The following EFCAB5 variants were observed in gnomAD, a reference collection of about 807,000 sequenced individuals.
EFCAB5 encodes the protein EF-hand calcium-binding domain-containing protein 5.
Under a neutral mutation model 167.9 loss-of-function variants are expected in EFCAB5, and 131 were observed. The observed-to-expected ratio is 0.78, with a 90% confidence interval of 0.68 to 0.90. The LOEUF (loss-of-function observed/expected upper bound fraction) is 0.90, where lower values mean the gene tolerates loss of function less well. Ranked by LOEUF, EFCAB5 falls within the 40% of genes least tolerant of loss-of-function variation. EFCAB5 has a pLI of 0.00. For synonymous variants in EFCAB5, 574 were observed against 602.8 expected, an observed-to-expected ratio of 0.95 and a Z score of 0.70; for missense variants, 1,663 against 1,745.2, an observed-to-expected ratio of 0.95 and a Z score of 0.84.
At chr17:30,049,787 C>A (rs1028784641) in intron 8 of EFCAB5, among the ~76,000 whole-genome samples, 7 of 152,098 alleles carry the variant, frequency 4.6e-5, no homozygotes, top group African/African-American at 1.7e-4. Flanking sequence ...TTGGTATGAA[C>A]ATTTTGTGAA....
intron 5 of EFCAB5, among the ~76,000 whole-genome samples, chr17:29,994,167 T>TATATATATACAC (rs1555554322): frequency 1.5e-5 from 2 of 132,230 alleles, no homozygotes; most frequent in Non-Finnish European, 3.3e-5. Context: ...TATATATATA[T>TATATATATACAC]ATATATATAT....
chr17:30,088,005 C>T (rs1292764094), intron 19 of EFCAB5, among the ~76,000 whole-genome samples: 6 of 152,156 alleles, frequency 3.9e-5, no homozygotes, highest in Non-Finnish European at 5.9e-5. Context: ...GATGATGTCT[C>T]ATTGGGGTTT....
chr17:29,946,580 G>T, intron 3 of EFCAB5, among the ~76,000 whole-genome samples: 1 of 151,676 alleles, frequency 6.6e-6, no homozygotes, highest in East Asian at 2.0e-4. Flanking sequence ...GGGACTTCAG[G>T]CACCTGCCAC....
intron 14 of EFCAB5, among the ~76,000 whole-genome samples, chr17:30,066,057 C>T (rs2070560887): frequency 6.6e-6 from 1 of 152,110 alleles, no homozygotes; most frequent in Non-Finnish European, 1.5e-5. Context: ...GACAGAAAAT[C>T]AATAAAGAAA....
intron 20 of EFCAB5, 98 bp from the exon 21 acceptor site, chr17:30,091,773 A>G: frequency 7.4e-7 from 1 of 1,343,726 alleles, no homozygotes; most frequent in Non-Finnish European, 1.0e-6. Flanking sequence ...CTTGACAAAA[A>G]CATTTACTAT....
At chr17:30,039,052 G>A (rs777852567) in intron 8 of EFCAB5, among the ~76,000 whole-genome samples, 25 of 152,188 alleles carry the variant, frequency 1.6e-4, no homozygotes, top group South Asian at 2.1e-4. Flanking sequence ...CTGCGGTGCC[G>A]AGTCTGTGCA....
intron 8 of EFCAB5, among the ~76,000 whole-genome samples, chr17:30,038,962 C>T (rs913020396): frequency 2.0e-5 from 3 of 152,148 alleles, no homozygotes; most frequent in Admixed American, 1.3e-4. Flanking sequence ...CGAGACCCAC[C>T]TGGTGTGACG....
chr17:30,054,126 A>G lies in EFCAB5; in HGVS notation c.2172A>G (p.Leu724=). 1 of 1,555,438 alleles carries G rather than the reference A, an allele frequency of 6.4e-7. No individual in the cohort carries two copies. Among genetic ancestry groups the G allele is most frequent in the Non-Finnish European group, 8.7e-7 (1 of 1,152,400 alleles). The change falls in exon 10 of 23, where the codon TTA becomes TTG. Residue 724 remains leucine (L), a synonymous_variant. Transcript: ENST00000394835. ...SSELQEEVPT[L]SRKDHFPETT... is the part of the protein sequence containing the mutation. ...AACTGCAAGAGGAAGTTCCAACCTT[A>G]AGCAGAAAAGATCACTTTCCAGGTA...
chr17:30,079,152 A>G (rs1011646853), intron 15 of EFCAB5, among the ~76,000 whole-genome samples: 1 of 152,198 alleles, frequency 6.6e-6, no homozygotes, highest in African/African-American at 2.4e-5. Flanking sequence ...ATCTCAGCTA[A>G]ATAGCGATAC....
chr17:30,017,515 A>AT (rs1228622138), intron 7 of EFCAB5, among the ~76,000 whole-genome samples: 1 of 152,200 alleles, frequency 6.6e-6, no homozygotes, highest in Non-Finnish European at 1.5e-5. Context: ...GAAAATAAAA[A>AT]TATAATTGTA....
Position 30,078,251 on chromosome 17 carries a change from G to A in EFCAB5, c.2774G>A (p.Gly925Asp). Residue 925 changes from glycine (G) to aspartate (D), a missense_variant, in exon 15 of 23, where the codon GGT becomes GAT. Coordinates refer to ENST00000394835, the MANE Select transcript of EFCAB5 (RefSeq NM_198529.4). Reference protein sequence around the residue: ...LHIQFPKPHPGHEVRLSSKQF... With the variant: ...LHIQFPKPHPDHEVRLSSKQF... Reference sequence around the variant, plus strand: ...ATCCAATTTCCAAAGCCACACCCTGGTCACGAAGTGAGATTGTCTTCAAAA... The same window carrying A: ...ATCCAATTTCCAAAGCCACACCCTGATCACGAAGTGAGATTGTCTTCAAAA... The A allele has an allele frequency of 1.9e-6, 3 of 1,613,708 alleles. No homozygotes were observed. The highest frequency in any genetic ancestry group is 2.5e-6 in the Non-Finnish European group (3 of 1,179,760).
At position 30,108,107 on chromosome 17, in the gene EFCAB5, C is replaced by T. The variant is rs1211496321; in HGVS notation, c.*83C>T. 5 of 1,436,370 alleles carry T rather than the reference C, an allele frequency of 3.5e-6. No individual in the cohort carries two copies. In the African/African-American group the frequency reaches 7.3e-5, roughly 21 times the overall value. The allele number at this position is 1,436,370 out of a possible 1,614,324, so 89.0% of individuals were successfully genotyped here. Reference sequence around the variant, plus strand: ...TGTTTGTTAACTATAAAATATTTTCCATTGGAAAGGGGTACCTATAAATGT... The same window carrying T: ...TGTTTGTTAACTATAAAATATTTTCTATTGGAAAGGGGTACCTATAAATGT... On this transcript the variant is annotated 3_prime_UTR_variant, in exon 23 of 23. Transcript: ENST00000394835.
In EFCAB5 at chr17:30,059,650, G is replaced by A. The variant is rs1016597152; in HGVS notation, c.2686G>A (p.Glu896Lys). Residue 896 changes from glutamate to lysine, a missense_variant, in exon 14 of 23, where the codon GAA becomes AAA. Glu to Lys is a moderately conservative substitution (Grantham distance 56, BLOSUM62 1). Transcript: ENST00000394835. ...SGFLDLKEVDELLYTYKEGME... is the reference protein window; with the variant it reads ...SGFLDLKEVDKLLYTYKEGME... ...CTTCCTGGATCTGAAGGAAGTTGAT[G>A]AACTCTTGTACACATACAAGGAGGG... is the stretch of plus-strand genomic sequence containing the variant. 6.2e-7 allele frequency: 1 copy of A among 1,612,598 alleles called. No individual in the cohort carries two copies. The highest frequency in any genetic ancestry group is 8.5e-7 in the Non-Finnish European group (1 of 1,178,978).
chr17:30,005,061 T>TA (rs1287066268), intron 7 of EFCAB5, among the ~76,000 whole-genome samples: 1 of 152,134 alleles, frequency 6.6e-6, no homozygotes, highest in African/African-American at 2.4e-5. Context: ...GTTTCAGTGT[T>TA]AGAGTCCCAG....
intron 7 of EFCAB5, among the ~76,000 whole-genome samples, chr17:30,020,701 A>C (rs1481275737): frequency 6.6e-6 from 1 of 152,128 alleles, no homozygotes; most frequent in Non-Finnish European, 1.5e-5. Flanking sequence ...TCTTGTTTAT[A>C]ATTATACTCT....
chr17:29,936,001 A>G (rs1026937130), intron 1 of EFCAB5, among the ~76,000 whole-genome samples: 1 of 152,322 alleles, frequency 6.6e-6, no homozygotes, highest in South Asian at 2.1e-4. Context: ...AGCTGTTGCT[A>G]CAAAAAGGAA....
intron 3 of EFCAB5, among the ~76,000 whole-genome samples, chr17:29,951,312 A>G (rs1294613412): frequency 2.0e-5 from 3 of 151,898 alleles, no homozygotes; most frequent in Non-Finnish European, 4.4e-5. Context: ...ATTCTTCAGG[A>G]TATTGTTTTT....
intron 20 of EFCAB5, 134 bp downstream of exon 20, chr17:30,090,808 C>A: frequency 7.8e-7 from 1 of 1,286,276 alleles, no homozygotes; most frequent in Non-Finnish European, 1.1e-6. Context: ...AAAAGGAATT[C>A]CCTTATGCAG....
intron 5 of EFCAB5, among the ~76,000 whole-genome samples, chr17:29,994,209 C>T (rs1379911362): frequency 9.8e-5 from 14 of 143,362 alleles, no homozygotes; most frequent in Admixed American, 5.6e-4. Context: ...CACACACACG[C>T]GGTGGGGGAG....
Sources: gnomAD v4.1 joint callset for allele counts (sites outside exome capture counted in the v4.1 genomes callset) on GRCh38, gnomAD v4.1.1 for gene constraint, MANE v1.5 for transcripts, NCBI Gene and HGNC (gene_info 2026-07-23, HGNC 2026-07-21) for gene names.